PTPRT: variants seen among roughly 807,000 people sequenced by gnomAD.
PTPRT encodes receptor-type tyrosine-protein phosphatase T.
PTPRT carries 56 observed loss-of-function variants against 176.8 expected under a neutral mutation model. The ratio of observed to expected loss-of-function variants is 0.32; its 90% confidence interval spans 0.26 to 0.40. PTPRT has a LOEUF of 0.40. Ranked by LOEUF, PTPRT falls within the 10% of genes least tolerant of loss-of-function variation. PTPRT has a pLI of 1.00. For synonymous variants in PTPRT, 783 were observed against 739.0 expected (o/e 1.06, Z -0.96); for missense variants, 1,540 against 1,908.2 (o/e 0.81, Z 3.60).
intron 9 of PTPRT, among the ~76,000 whole-genome samples, chr20:42,442,956 G>A (rs1568883447): frequency 6.6e-6 from 1 of 152,128 alleles, no homozygotes; most frequent in Non-Finnish European, 1.5e-5. Flanking sequence ...GAATGAGAGA[G>A]GCCACACCAC....
chr20:42,696,231 C>G (rs1194610392), intron 6 of PTPRT, among the ~76,000 whole-genome samples: 1 of 150,868 alleles, frequency 6.6e-6, no homozygotes. Flanking sequence ...CCCCTGATCT[C>G]TTTTTTCCTC....
At chr20:42,577,300 G>A (rs1164457738) in intron 7 of PTPRT, among the ~76,000 whole-genome samples, 1 of 152,136 alleles carries the variant, frequency 6.6e-6, no homozygotes, top group Non-Finnish European at 1.5e-5. Context: ...GGCCATGCAG[G>A]TGCCAGTTTT....
At chr20:42,676,170 G>A (rs192639918) in intron 7 of PTPRT, among the ~76,000 whole-genome samples, 4 of 152,254 alleles carry the variant, frequency 2.6e-5, no homozygotes, top group Non-Finnish European at 4.4e-5. Context: ...ATTCCACCTG[G>A]ATGGATGCAT....
intron 5 of PTPRT, among the ~76,000 whole-genome samples, chr20:42,766,119 T>C (rs1306852051): frequency 6.6e-6 from 1 of 152,248 alleles, no homozygotes; most frequent in Non-Finnish European, 1.5e-5. Context: ...CCTAGTTGTA[T>C]CCTGAATGTC....
At chr20:42,113,313 T>C (rs145873990) in intron 22 of PTPRT, among the ~76,000 whole-genome samples, 12 of 152,362 alleles carry the variant, frequency 7.9e-5, no homozygotes, top group Admixed American at 1.3e-4. Context: ...TCCCTGCCCG[T>C]GTCGCCAGTC....
chr20:42,892,607 A>G (rs1369422350), intron 1 of PTPRT, among the ~76,000 whole-genome samples: 1 of 152,010 alleles, frequency 6.6e-6, no homozygotes, highest in Non-Finnish European at 1.5e-5. Context: ...GTGGCTGGAG[A>G]TTAAGGTGAT....
chr20:42,466,372 A>C lies in PTPRT; in HGVS notation c.1450+5894T>G, dbSNP rs1026389958. On this transcript the variant is annotated intron_variant, in intron 8 of 30. Transcript: ENST00000373187. ...AGCATAGGTGGAAGGCAAACCTTTA[A>C]ATGGAAACAAATGAACATAACTGGG... 2.0e-5 allele frequency among the ~76,000 whole-genome samples: 3 copies of C among 152,218 alleles called. No homozygotes were observed. In the East Asian group the frequency reaches 5.8e-4, roughly 29 times the overall value.
At chr20:42,839,425 G>A (rs1461344883) in intron 2 of PTPRT, among the ~76,000 whole-genome samples, 1 of 151,802 alleles carries the variant, frequency 6.6e-6, no homozygotes, top group East Asian at 1.9e-4. Context: ...TGCATAATAA[G>A]AAATGGCTTT....
At chr20:42,735,618 GT>G (rs2076527949) in intron 6 of PTPRT, among the ~76,000 whole-genome samples, 1 of 152,042 alleles carries the variant, frequency 6.6e-6, no homozygotes, top group African/African-American at 2.4e-5. Flanking sequence ...CAAACACTAT[GT>G]CCCCCACACA....
chr20:42,222,375 C>G (rs1388994686), intron 15 of PTPRT, among the ~76,000 whole-genome samples: 1 of 152,196 alleles, frequency 6.6e-6, no homozygotes, highest in Non-Finnish European at 1.5e-5. Flanking sequence ...TGGTTTATAA[C>G]TCCCATATTC....
intron 12 of PTPRT, among the ~76,000 whole-genome samples, chr20:42,294,014 GT>G (rs1344443265): frequency 2.0e-5 from 3 of 152,136 alleles, no homozygotes; most frequent in African/African-American, 4.8e-5. Context: ...CATAATTAAT[GT>G]ATAGAGAAGT....
chr20:42,897,529 C>G (rs2079323644), intron 1 of PTPRT, among the ~76,000 whole-genome samples: 1 of 152,130 alleles, frequency 6.6e-6, no homozygotes, highest in African/African-American at 2.4e-5. Flanking sequence ...CGGCGGTGCC[C>G]TAGAACCAAA....
chr20:42,941,456 T>C (rs925867348), intron 1 of PTPRT, among the ~76,000 whole-genome samples: 1 of 152,210 alleles, frequency 6.6e-6, no homozygotes, highest in Non-Finnish European at 1.5e-5. Flanking sequence ...TGCAATTGTC[T>C]TGCCTCTTCC....
In PTPRT at chr20:42,130,110, G is replaced by A. The variant is rs1473542735; in HGVS notation, c.2771-1280C>T. On this transcript the variant is annotated intron_variant, in intron 18 of 30. Transcript: ENST00000373187. ...TGAAGTTCTCTTAACTCTGAGTTCG[G>A]TCGCTCCTGTTTCCAAAGGGGGTGT... 2.0e-5 allele frequency among the ~76,000 whole-genome samples: 3 copies of A among 152,194 alleles called. No homozygotes were observed. The East Asian group carries it at 5.8e-4, about 29-fold the overall frequency.
intron 2 of PTPRT, among the ~76,000 whole-genome samples, chr20:42,802,910 A>T (rs892413147): frequency 6.6e-6 from 1 of 152,212 alleles, no homozygotes; most frequent in African/African-American, 2.4e-5. Flanking sequence ...TGATGGCAAA[A>T]GTTGTACATG....
intron 1 of PTPRT, among the ~76,000 whole-genome samples, chr20:43,061,396 G>A (rs1987454699): frequency 6.6e-6 from 1 of 152,188 alleles, no homozygotes; most frequent in African/African-American, 2.4e-5. Flanking sequence ...ACGGTCTTGA[G>A]TATCAAATGT....
chr20:42,114,214 TG>T (rs1403579011), intron 22 of PTPRT, among the ~76,000 whole-genome samples: 1 of 152,186 alleles, frequency 6.6e-6, no homozygotes, highest in Non-Finnish European at 1.5e-5. Context: ...GAATCCTGGT[TG>T]TACCAACCTT....
At chr20:42,832,902 G>C (rs2078116152) in intron 2 of PTPRT, among the ~76,000 whole-genome samples, 1 of 150,284 alleles carries the variant, frequency 6.7e-6, no homozygotes, top group Non-Finnish European at 1.5e-5. Flanking sequence ...CGAGGAGTTT[G>C]AGATCAGCCT....
chr20:43,157,122 C>T (rs2014544369), intron 1 of PTPRT, among the ~76,000 whole-genome samples: 1 of 151,474 alleles, frequency 6.6e-6, no homozygotes, highest in African/African-American at 2.4e-5. Context: ...GAGGCCAAGG[C>T]GGGAGGATCG....
Sources: gnomAD v4.1 joint callset for allele counts (sites outside exome capture counted in the v4.1 genomes callset) on GRCh38, gnomAD v4.1.1 for gene constraint, MANE v1.5 for transcripts, NCBI Gene and HGNC (gene_info 2026-07-23, HGNC 2026-07-21) for gene names.